Variants in RIC1 observed in about 807,000 individuals in gnomAD.
The protein encoded by RIC1 is guanine nucleotide exchange factor subunit RIC1.
In RIC1, 88 loss-of-function variants were observed where a neutral mutation model predicts 169.0. The ratio of observed to expected loss-of-function variants is 0.52; its 90% CI spans 0.44 to 0.62. The LOEUF (loss-of-function observed/expected upper bound fraction) is 0.62. Ranked by LOEUF, RIC1 falls within the 20% of genes least tolerant of loss-of-function variation. The pLI is 0.00. For synonymous variants in RIC1, 790 were observed against 601.5 expected (o/e 1.31, Z -4.59); for missense variants, 1,877 against 1,725.5 (o/e 1.09, Z -1.56).
At chr9:5,637,796 T>G (rs556516027) in intron 1 of RIC1, among the ~76,000 whole-genome samples, 2 of 152,322 alleles carry the variant, frequency 1.3e-5, no homozygotes, top group South Asian at 2.1e-4. Context: ...CGGATCTCAT[T>G]TTTTTTGTAA....
At chr9:5,645,252 A>C (rs1818446529) in intron 1 of RIC1, among the ~76,000 whole-genome samples, 1 of 152,102 alleles carries the variant, frequency 6.6e-6, no homozygotes, top group African/African-American at 2.4e-5. Flanking sequence ...GGGTCTCCAT[A>C]AGTTGCCCAG....
intron 6 of RIC1, among the ~76,000 whole-genome samples, chr9:5,727,737 CTGTT>C (rs1824088491): frequency 6.6e-6 from 1 of 152,094 alleles, no homozygotes; most frequent in Non-Finnish European, 1.5e-5. Context: ...GATGTCCTTT[CTGTT>C]TGTTAGTTTT....
chr9:5,746,306 T>A (rs151176272), intron 11 of RIC1, among the ~76,000 whole-genome samples: 2 of 152,262 alleles, frequency 1.3e-5, no homozygotes, highest in African/African-American at 4.8e-5. Flanking sequence ...CATAAGCAAT[T>A]TGACGGAAAG....
intron 3 of RIC1, chr9:5,713,107 G>C (rs994169739): frequency 6.6e-6 from 1 of 152,162 alleles, no homozygotes; most frequent in East Asian, 1.9e-4. Context: ...ACAAATTATA[G>C]GAATGTACTT....
At position 5,733,666 on chromosome 9, in the gene RIC1, A is replaced by G. The variant is rs542298855; in HGVS notation, c.812+1187A>G. 3.9e-5 allele frequency among the ~76,000 whole-genome samples: 6 copies of G among 152,272 alleles called. No homozygotes were observed. In the East Asian group the frequency reaches 1.2e-3, roughly 29 times the overall value. On this transcript the variant is annotated intron_variant, in intron 7 of 25. Transcript: ENST00000414202. ...TCCTCATCCTCAACTTTTTCTCAAT[A>G]CATTGATCCTCATTGAGCAGTTAAA...
At chr9:5,739,706 G>C (rs1369820246) in intron 8 of RIC1, among the ~76,000 whole-genome samples, 3 of 152,188 alleles carry the variant, frequency 2.0e-5, no homozygotes, top group Admixed American at 6.5e-5. Context: ...AAGGGCTAAT[G>C]GCAGCATGGG....
chr9:5,739,632 C>T (rs530299319), intron 8 of RIC1, among the ~76,000 whole-genome samples: 1 of 152,258 alleles, frequency 6.6e-6, no homozygotes, highest in East Asian at 1.9e-4. Context: ...TGGCGACTGC[C>T]TCAGGGGAGG....
At chr9:5,743,474 A>G (rs1207358791) in intron 9 of RIC1, among the ~76,000 whole-genome samples, 1 of 152,154 alleles carries the variant, frequency 6.6e-6, no homozygotes, top group Non-Finnish European at 1.5e-5. Flanking sequence ...TAAAAGCTGC[A>G]TATCTCTGGC....
At chr9:5,714,205 AAT>A (rs1823102345) in intron 4 of RIC1, among the ~76,000 whole-genome samples, 1 of 152,208 alleles carries the variant, frequency 6.6e-6, no homozygotes, top group Non-Finnish European at 1.5e-5. Context: ...AATAAAATTG[AAT>A]ATACCAACTA....
intron 4 of RIC1, among the ~76,000 whole-genome samples, chr9:5,715,993 C>T (rs1221816961): frequency 6.6e-6 from 1 of 151,960 alleles, no homozygotes; most frequent in African/African-American, 2.4e-5. Flanking sequence ...TACAGGCACA[C>T]GTCACAGCAC....
At position 5,715,350 on chromosome 9, in the gene RIC1, G is replaced by GA. The variant is rs141017538; in HGVS notation, c.440+1356dup. On this transcript the variant is annotated intron_variant, in intron 4 of 25. Coordinates refer to ENST00000414202, the MANE Select transcript of RIC1 (RefSeq NM_020829.4). ...AATAGAATAGAAAAAGAGCCAAAAA[G>GA]AAAAAAAAACAATTCTGCCATCTTG... 4.8e-4 allele frequency among the ~76,000 whole-genome samples: 72 copies of GA among 150,052 alleles called. 1 individual carries two copies. The East Asian group carries it at 5.3e-3, about 11-fold the overall frequency.
Position 5,763,160 on chromosome 9 carries a change from T to C in RIC1, c.2133T>C (p.Val711=), listed in dbSNP as rs188807357. 6.2e-7 allele frequency: 1 copy of C among 1,614,030 alleles called. No homozygotes were observed. Among genetic ancestry groups the C allele is most frequent in the African/African-American group, 1.3e-5 (1 of 75,022 alleles). Residue 711 remains valine (V), a synonymous_variant, in exon 19 of 26, where the codon GTT becomes GTC. Coordinates refer to ENST00000414202, the MANE Select transcript of RIC1 (RefSeq NM_020829.4). This position sits in a 1 kb window ranked among gnomAD's most constrained non-coding sequence, Gnocchi z 5.2. ...QRKLLPFCPP[V]VLAQSVENVW... is the part of the protein sequence containing the mutation. The stretch of plus-strand genomic sequence containing the variant: ...TCCAGCTGCCATTCTGTCCTCCTGT[T>C]GTACTAGCCCAGTCTGTTGAAAATG...
rs1259545071 is a variant in RIC1 at position 5,663,267 on chromosome 9, T to C, written c.252+6577T>C. The stretch of plus-strand genomic sequence containing the variant: ...TCCGATTATGTGATCAAATTTAGAG[T>C]AAGTGCCTTGTGATGATGAGAACAA... On this transcript the variant is annotated intron_variant, in intron 2 of 25. Coordinates refer to ENST00000414202, the MANE Select transcript of RIC1 (RefSeq NM_020829.4). 3.9e-5 allele frequency among the ~76,000 whole-genome samples: 6 copies of C among 152,342 alleles called. No homozygotes were observed. In the South Asian group the frequency reaches 6.2e-4, roughly 16 times the overall value.
In RIC1 at chr9:5,746,029, C is replaced by G. The variant is rs1400542057; in HGVS notation, c.1194C>G (p.Pro398=). 1 of 1,613,588 alleles carries G rather than the reference C, an allele frequency of 6.2e-7. No homozygotes were observed. The highest frequency in any genetic ancestry group is 8.5e-7 in the Non-Finnish European group (1 of 1,179,606). ...ACCTCAGGAGTGTAGTTAAACAGCC[C>G]AGCATCCTGTTATTTCAGTTTATTA... ...ESDLRSVVKQ[P]SILLFQFIKS... is the part of the protein sequence containing the mutation. The change falls in exon 11 of 26, where the codon CCC becomes CCG. Residue 398 remains proline (P), a synonymous_variant. Transcript: ENST00000414202.
At position 5,671,523 on chromosome 9, in the gene RIC1, G is replaced by T. The variant is rs191843662; in HGVS notation, c.252+14833G>T. On this transcript the variant is annotated intron_variant, in intron 2 of 25. Coordinates refer to ENST00000414202, the MANE Select transcript of RIC1 (RefSeq NM_020829.4). ...ACTCCTGACCTCAGGTGACCCGCCT[G>T]CCCCGGCCTCCCGAAGTGTTGGGAT... 2.8e-3 allele frequency among the ~76,000 whole-genome samples: 430 copies of T among 152,246 alleles called. 2 individuals carry two copies. Among genetic ancestry groups the T allele is most frequent in the African/African-American group, 9.5e-3 (396 of 41,556 alleles).
chr9:5,657,451 C>G (rs1312671383), intron 2 of RIC1, among the ~76,000 whole-genome samples: 2 of 152,044 alleles, frequency 1.3e-5, no homozygotes, highest in Non-Finnish European at 2.9e-5. Flanking sequence ...TGGATCATCC[C>G]ATTTAATCTT....
chr9:5,667,934 AT>A (rs1423922948), intron 2 of RIC1, among the ~76,000 whole-genome samples: 2 of 152,180 alleles, frequency 1.3e-5, no homozygotes, highest in African/African-American at 4.8e-5. Context: ...AATTTACTGT[AT>A]TAGTTCTTTC....
chr9:5,709,525 A>G (rs1028314907), intron 3 of RIC1, among the ~76,000 whole-genome samples: 1 of 152,182 alleles, frequency 6.6e-6, no homozygotes, highest in Non-Finnish European at 1.5e-5. Context: ...AAGATTACAA[A>G]TGATTGGTTG....
intron 14 of RIC1, among the ~76,000 whole-genome samples, chr9:5,754,335 T>G (rs1240647706): frequency 6.6e-6 from 1 of 152,236 alleles, no homozygotes; most frequent in Non-Finnish European, 1.5e-5. Context: ...TATACTTGCC[T>G]TCTTAAAGAA....
Sources: gnomAD v4.1 joint callset for allele counts (sites outside exome capture counted in the v4.1 genomes callset) on GRCh38, gnomAD v4.1.1 for gene constraint, Gnocchi (gnomAD v3.1) non-coding constraint, MANE v1.5 for transcripts, NCBI Gene and HGNC (gene_info 2026-07-23, HGNC 2026-07-21) for gene names.